The following HOOK3 variants were observed in gnomAD, a reference collection of about 807,000 sequenced individuals.
The protein encoded by HOOK3 is protein Hook homolog 3.
In HOOK3, 24 loss-of-function variants were observed where a neutral mutation model predicts 116.3. The observed-to-expected ratio is 0.21, with a 90% CI of 0.15 to 0.29. The LOEUF is 0.29. HOOK3 is among the 10% of genes least tolerant of loss of function. The probability of loss-of-function intolerance (pLI) is 1.00; values close to 1 mark genes in which losing one functional copy is unlikely to be tolerated. For synonymous variants in HOOK3, 275 were observed against 283.0 expected, an observed-to-expected ratio of 0.97 and a Z score of 0.28; for missense variants, 632 against 830.2, an observed-to-expected ratio of 0.76 and a Z score of 2.93.
intron 4 of HOOK3, among the ~76,000 whole-genome samples, chr8:42,932,089 T>C (rs1586596908): frequency 2.0e-5 from 3 of 152,270 alleles, no homozygotes; most frequent in South Asian, 4.1e-4. Context: ...CCAGACCTCA[T>C]GTAGTCATTG....
intron 5 of HOOK3, 75 bp from the exon 6 acceptor site, chr8:42,950,313 T>G: frequency 1.1e-6 from 1 of 922,814 alleles, no homozygotes; most frequent in East Asian, 2.5e-5. Context: ...TATAAGAATT[T>G]ATGAAGTATG....
chr8:42,972,579 A>G (rs1301593617), intron 11 of HOOK3, among the ~76,000 whole-genome samples: 1 of 152,108 alleles, frequency 6.6e-6, no homozygotes, highest in African/African-American at 2.4e-5. Context: ...TAGTTTTTAA[A>G]TTGTAGAGAC....
At chr8:42,904,817 G>T (rs1270832006) in intron 1 of HOOK3, among the ~76,000 whole-genome samples, 1 of 152,106 alleles carries the variant, frequency 6.6e-6, no homozygotes, top group African/African-American at 2.4e-5. Flanking sequence ...TCTGTACCAA[G>T]CTGCTCTTCA....
Position 42,964,826 on chromosome 8 carries a change from C to CA in HOOK3, c.779+364dup, listed in dbSNP as rs905614088. ...TGGGCAACAGAACGCGACTTTGTCTCAAAAAAAAAAAAGAAAAAAAAAATA... is the reference window on the plus strand; with the variant it reads ...TGGGCAACAGAACGCGACTTTGTCTCAAAAAAAAAAAAAGAAAAAAAAAATA... On this transcript the variant is annotated intron_variant, in intron 9 of 21. Coordinates refer to ENST00000307602, the MANE Select transcript of HOOK3 (RefSeq NM_032410.4). Among the ~76,000 whole-genome samples the CA allele has an allele frequency of 8.7e-3, 1,056 of 120,820 alleles. 6 individuals are homozygous for CA. The highest frequency in any genetic ancestry group is 0.026 in the African/African-American group (857 of 32,648). The allele number at this position is 120,820 out of a possible 152,430, so 79.3% of individuals were successfully genotyped here.
At chr8:42,913,899 A>G (rs1462103322) in intron 2 of HOOK3, among the ~76,000 whole-genome samples, 1 of 152,108 alleles carries the variant, frequency 6.6e-6, no homozygotes, top group African/African-American at 2.4e-5. Context: ...AAGAATTTAA[A>G]TTCATTGTTG....
chr8:42,953,494 C>T lies in HOOK3; in HGVS notation c.468+3039C>T, dbSNP rs995594799. On this transcript the variant is annotated intron_variant, in intron 6 of 21. Coordinates refer to ENST00000307602, the MANE Select transcript of HOOK3 (RefSeq NM_032410.4). ...CAGGAGAATGGCTTCAATTTGGGAG[C>T]CGGAGGTTGTAGTGAGCTGAGATTG... 4.6e-4 allele frequency among the ~76,000 whole-genome samples: 70 copies of T among 151,226 alleles called. 1 individual carries two copies. Among genetic ancestry groups the T allele is most frequent in the Non-Finnish European group, 8.8e-5 (6 of 67,818 alleles).
Position 43,026,052 on chromosome 8 carries a change from A to G in HOOK3, c.*7554A>G, listed in dbSNP as rs1383107978. The G allele has an allele frequency of 4.8e-6, 1 of 208,852 alleles. No homozygotes were observed. The highest frequency in any genetic ancestry group is 9.7e-6 in the Non-Finnish European group (1 of 102,680). The allele number at this position is 208,852 out of a possible 1,614,324, so 12.9% of individuals were successfully genotyped here. The stretch of plus-strand genomic sequence containing the variant: ...CCTACTTGAGAGAAAGAAGACTACC[A>G]AAGCATGTTGAGGCTTTAACATGGG... On this transcript the variant is annotated 3_prime_UTR_variant, in exon 22 of 22. Coordinates refer to ENST00000307602, the MANE Select transcript of HOOK3 (RefSeq NM_032410.4).
chr8:42,992,500 A>G (rs1387650629), intron 15 of HOOK3, among the ~76,000 whole-genome samples: 11 of 141,676 alleles, frequency 7.8e-5, no homozygotes, highest in Middle Eastern at 4.4e-3. Context: ...GGCGGATCAC[A>G]AGGTCAGGAG....
chr8:42,976,313 C>T (rs1808827926), intron 13 of HOOK3, among the ~76,000 whole-genome samples: 1 of 151,796 alleles, frequency 6.6e-6, no homozygotes, highest in African/African-American at 2.4e-5. Context: ...CAAGAGCAGC[C>T]TGGGCAACAT....
chr8:42,914,737 C>T (rs954425373), intron 2 of HOOK3, among the ~76,000 whole-genome samples: 2 of 152,216 alleles, frequency 1.3e-5, no homozygotes, highest in African/African-American at 4.8e-5. Context: ...ACCAGTTCTC[C>T]CCTCTTTCTT....
chr8:42,993,463 T>C (rs1393465801), intron 15 of HOOK3, among the ~76,000 whole-genome samples: 2 of 152,148 alleles, frequency 1.3e-5, no homozygotes, highest in Non-Finnish European at 2.9e-5. Flanking sequence ...TTTGTTTTGT[T>C]TTTTTTCTTT....
intron 9 of HOOK3, among the ~76,000 whole-genome samples, 171 bp from the exon 10 acceptor site, chr8:42,966,302 G>C (rs1390729244): frequency 1.3e-5 from 2 of 152,126 alleles, no homozygotes; most frequent in African/African-American, 2.4e-5. Context: ...TGGGACAGTG[G>C]AGTTCATTTT....
intron 10 of HOOK3, 131 bp downstream of exon 10, chr8:42,966,744 C>G: frequency 1.2e-6 from 1 of 823,976 alleles, no homozygotes; most frequent in Non-Finnish European, 1.9e-6. Flanking sequence ...CTTATGCAAC[C>G]TCTGTATGGC....
intron 5 of HOOK3, among the ~76,000 whole-genome samples, chr8:42,949,112 G>A (rs193242128): frequency 3.3e-4 from 51 of 152,302 alleles, no homozygotes; most frequent in African/African-American, 1.0e-3. Flanking sequence ...TACTTTGACA[G>A]TTTCATGGTA....
intron 4 of HOOK3, among the ~76,000 whole-genome samples, chr8:42,941,289 G>A (rs561368715): frequency 6.7e-6 from 1 of 149,128 alleles, no homozygotes; most frequent in South Asian, 2.1e-4. Flanking sequence ...GCCGAGGCGG[G>A]CGGATCACGA....
rs201668854 is a variant in HOOK3, at chr8:42,943,285, C to A, written c.268-28C>A. The A allele has an allele frequency of 2.3e-4, 305 of 1,347,974 alleles. No individual in the cohort carries two copies. The African/African-American group carries it at 4.3e-3, about 19-fold the overall frequency. 83.5% of individuals were successfully genotyped at this position (1,347,974 alleles called of 1,614,324 possible). On this transcript the variant is annotated intron_variant, in intron 4 of 21. Transcript: ENST00000307602. ...TTTTTTGGTCATATAAATGTAAATG[C>A]AATTATAATCCTTTTATCTCCATTC...
intron 2 of HOOK3, among the ~76,000 whole-genome samples, chr8:42,920,535 G>A (rs111934462): frequency 0.01 from 1,532 of 152,294 alleles, 14 homozygotes; most frequent in Non-Finnish European, 0.015. Flanking sequence ...CGGGGGATTG[G>A]GAAGGATAGC....
chr8:42,940,186 A>G (rs186353114), intron 4 of HOOK3, among the ~76,000 whole-genome samples: 7,392 of 152,286 alleles, frequency 0.049, 365 homozygotes, highest in African/African-American at 0.12. Flanking sequence ...ACTCCAGCCC[A>G]GGCACCATTG....
intron 16 of HOOK3, among the ~76,000 whole-genome samples, chr8:43,001,895 G>C (rs900565903): frequency 1.3e-5 from 2 of 152,068 alleles, no homozygotes; most frequent in Admixed American, 1.3e-4. Flanking sequence ...CAGGTTGTGG[G>C]TATTTCATAC....
Sources: allele counts gnomAD v4.1 joint callset (sites outside exome capture counted in the v4.1 genomes callset), GRCh38; gene constraint gnomAD v4.1.1; transcripts MANE v1.5; gene names NCBI Gene and HGNC (gene_info 2026-07-23, HGNC 2026-07-21).